The following SPECC1 variants were observed in gnomAD, a reference collection of about 807,000 sequenced individuals.
SPECC1 encodes the protein cytospin-B.
SPECC1 carries 62 observed loss-of-function variants against 104.1 expected under a neutral mutation model. That is an observed-to-expected ratio of 0.60 (90% confidence interval 0.49 to 0.74). The LOEUF (loss-of-function observed/expected upper bound fraction) is 0.74, where lower values mean the gene tolerates loss of function less well. SPECC1 is among the 30% of genes least tolerant of loss of function. SPECC1 has a pLI of 0.00. For missense variants in SPECC1, 1,306 were observed against 1,310.5 expected, an observed-to-expected ratio of 1.00 and a Z score of 0.05; for synonymous variants, 513 against 501.6, an observed-to-expected ratio of 1.02 and a Z score of -0.30.
intron 1 of SPECC1, among the ~76,000 whole-genome samples, chr17:20,028,723 A>C (rs1362189298): frequency 1.3e-5 from 2 of 151,330 alleles, no homozygotes; most frequent in Non-Finnish European, 2.9e-5. Context: ...TGAATTTTAG[A>C]ATAATCTTTT....
chr17:20,119,244 A>T (rs2048907929), intron 3 of SPECC1, among the ~76,000 whole-genome samples: 1 of 151,996 alleles, frequency 6.6e-6, no homozygotes. Flanking sequence ...TATTTTTTTA[A>T]ATTTATTTTA....
At chr17:20,148,075 A>G (rs780125665) in intron 3 of SPECC1, among the ~76,000 whole-genome samples, 2 of 152,204 alleles carry the variant, frequency 1.3e-5, no homozygotes, top group Non-Finnish European at 2.9e-5. Flanking sequence ...TTTGGTGTTT[A>G]GTAAAAATTA....
chr17:20,033,485 C>T (rs2044912737), intron 1 of SPECC1, among the ~76,000 whole-genome samples: 1 of 152,072 alleles, frequency 6.6e-6, no homozygotes, highest in Non-Finnish European at 1.5e-5. Context: ...GTTTATTGGG[C>T]TCATGGTTTT....
At chr17:20,071,482 C>T (rs1277954369) in intron 1 of SPECC1, among the ~76,000 whole-genome samples, 2 of 152,058 alleles carry the variant, frequency 1.3e-5, no homozygotes, top group Admixed American at 6.6e-5. Flanking sequence ...AGATGAATTT[C>T]AGGACAATTT....
Position 20,315,356 on chromosome 17 carries a change from C to G in SPECC1, c.*1291C>G, listed in dbSNP as rs2042026700. The G allele has an allele frequency of 1.3e-5, 3 of 232,806 alleles. No individual in the cohort carries two copies. Among genetic ancestry groups the G allele is most frequent in the Admixed American group, 5.6e-5 (1 of 17,768 alleles). 14.4% of individuals were successfully genotyped at this position (232,806 alleles called of 1,614,324 possible). A position where few individuals can be genotyped will look rare whatever the true frequency, so the allele number is the denominator to read the frequency against. The stretch of plus-strand genomic sequence containing the variant: ...ACCTTAAGTGGCAGCAGAGCCCTCC[C>G]CAGCGGTGCCCCAGTCCCTCAGAAG... On this transcript the variant is annotated 3_prime_UTR_variant, in exon 15 of 15. Transcript: ENST00000395527.
rs1221084918 is a variant in SPECC1, at chr17:20,204,738, A to G, written c.689A>G (p.Glu230Gly). The part of the protein sequence containing the change: ...GDTEPMIRAL[E>G]EKNKNFQKEL... ...ACGGAACCTATGATAAGAGCTCTTG[A>G]GGAGAAGAACAAGAACTTTCAGAAA... Residue 230 changes from glutamate (E) to glycine (G), a missense_variant, in exon 4 of 15, where the codon GAG (glutamate) becomes GGG (glycine). Around this residue, in one of 2 missense-constraint regions of SPECC1, gnomAD observed 1,177 missense variants for 1,139.9 expected, o/e 1.03. Transcript: ENST00000395527. 4 of 1,605,026 alleles carry G rather than the reference A, an allele frequency of 2.5e-6. No individual in the cohort carries two copies. Among genetic ancestry groups the G allele is most frequent in the Middle Eastern group, 1.6e-4 (1 of 6,082 alleles).
chr17:20,209,960 A>C (rs1327727889), intron 4 of SPECC1, among the ~76,000 whole-genome samples: 1 of 152,224 alleles, frequency 6.6e-6, no homozygotes, highest in Non-Finnish European at 1.5e-5. Flanking sequence ...TTCTTTCTGC[A>C]GAAACTTCAG....
chr17:20,253,398 G>A, intron 9 of SPECC1, 107 bp from the exon 10 acceptor site: 1 of 1,038,518 alleles, frequency 9.6e-7, no homozygotes. Flanking sequence ...TTATTCCACT[G>A]TGTTTAAGAA....
At chr17:20,237,181 T>C in intron 7 of SPECC1, 1 of 1,317,606 alleles carries the variant, frequency 7.6e-7, no homozygotes, top group South Asian at 1.7e-5. Context: ...AAAAACAAAG[T>C]ACAAGTCTTA....
At chr17:20,147,149 G>A (rs920937780) in intron 3 of SPECC1, among the ~76,000 whole-genome samples, 4 of 143,014 alleles carry the variant, frequency 2.8e-5, no homozygotes, top group Non-Finnish European at 4.5e-5. Context: ...TTGGCTCACC[G>A]CAGGCTCCGC....
intron 12 of SPECC1, among the ~76,000 whole-genome samples, chr17:20,289,927 TAGAG>T (rs1432082569): frequency 6.6e-6 from 1 of 152,232 alleles, no homozygotes; most frequent in Non-Finnish European, 1.5e-5. Flanking sequence ...GGAAACTTTT[TAGAG>T]AGAAGAAGAG....
intron 14 of SPECC1, among the ~76,000 whole-genome samples, chr17:20,307,885 G>A (rs1432910486): frequency 6.6e-6 from 1 of 152,076 alleles, no homozygotes; most frequent in African/African-American, 2.4e-5. Flanking sequence ...TATCCATCTA[G>A]ACATATTGTA....
intron 3 of SPECC1, among the ~76,000 whole-genome samples, chr17:20,120,920 C>T (rs543643690): frequency 3.3e-5 from 5 of 152,246 alleles, no homozygotes; most frequent in Admixed American, 1.3e-4. Flanking sequence ...TTGCCTAGGG[C>T]GCCAACTTGC....
chr17:20,084,958 C>T (rs1305516195), intron 1 of SPECC1, among the ~76,000 whole-genome samples: 5 of 152,198 alleles, frequency 3.3e-5, no homozygotes, highest in African/African-American at 2.4e-5. Flanking sequence ...GTGCTGTGGA[C>T]ACACTGTGGT....
intron 3 of SPECC1, among the ~76,000 whole-genome samples, chr17:20,165,791 A>C (rs1323011211): frequency 5.9e-5 from 9 of 152,206 alleles, no homozygotes; most frequent in Non-Finnish European, 8.8e-5. Flanking sequence ...TTTTTCTAAT[A>C]ATCAGTGATG....
chr17:20,071,586 T>C (rs2046555568), intron 1 of SPECC1, among the ~76,000 whole-genome samples: 2 of 152,206 alleles, frequency 1.3e-5, no homozygotes, highest in Non-Finnish European at 1.5e-5. Context: ...TGAATATCCG[T>C]TGGGAGAGCA....
chr17:20,268,960 G>C (rs1054924082), intron 12 of SPECC1, among the ~76,000 whole-genome samples: 4 of 152,088 alleles, frequency 2.6e-5, no homozygotes, highest in African/African-American at 9.7e-5. Flanking sequence ...AGTGTGTAGA[G>C]ACCTGTCAGA....
chr17:20,249,761 C>T (rs964085229), intron 9 of SPECC1, among the ~76,000 whole-genome samples: 7 of 151,938 alleles, frequency 4.6e-5, no homozygotes, highest in African/African-American at 1.4e-4. Flanking sequence ...AATATCTGAA[C>T]TGAAGCACAG....
chr17:20,125,661 G>A (rs2049265696), intron 3 of SPECC1, among the ~76,000 whole-genome samples: 1 of 152,226 alleles, frequency 6.6e-6, no homozygotes, highest in Non-Finnish European at 1.5e-5. Context: ...CCTTAGCATA[G>A]TATCCTTCAG....
Sources: allele counts gnomAD v4.1 joint callset (sites outside exome capture counted in the v4.1 genomes callset), GRCh38; gene constraint gnomAD v4.1.1; regional missense constraint gnomAD v4.1.1; transcripts MANE v1.5; gene names NCBI Gene and HGNC (gene_info 2026-07-23, HGNC 2026-07-21).